Variants in PDGFC observed in about 807,000 individuals in gnomAD.
PDGFC encodes platelet derived growth factor C.
A neutral mutation model predicts 35.5 loss-of-function variants in PDGFC; 12 were observed. That is an observed-to-expected ratio of 0.34 (90% confidence interval 0.22 to 0.55). The LOEUF is 0.55. Ranked by LOEUF, PDGFC falls within the 20% of genes least tolerant of loss-of-function variation. PDGFC has a pLI of 0.91. For synonymous variants in PDGFC, 159 were observed against 148.8 expected (o/e 1.07, Z -0.50); for missense variants, 322 against 412.4 (o/e 0.78, Z 1.90).
chr4:156,837,020 C>T lies in PDGFC; in HGVS notation c.314+13201G>A, dbSNP rs183124383. Among the ~76,000 whole-genome samples, 29 of 152,014 alleles carry T rather than the reference C, an allele frequency of 1.9e-4. No homozygotes were observed. The East Asian group carries it at 4.3e-3, about 22-fold the overall frequency. On this transcript the variant is annotated intron_variant, in intron 2 of 5. Coordinates refer to ENST00000502773, the MANE Select transcript of PDGFC (RefSeq NM_016205.3). ...TGGAACCTGAACAGAATCTAGTACT[C>T]CAAGGGTCAAGAATTAACAAGGTCA...
intron 1 of PDGFC, among the ~76,000 whole-genome samples, chr4:156,866,047 C>T (rs1262595073): frequency 1.3e-5 from 2 of 152,068 alleles, no homozygotes; most frequent in Non-Finnish European, 2.9e-5. Context: ...TGTTGGTGTG[C>T]TGCACCCATT....
chr4:156,892,532 G>T (rs1373152644), intron 1 of PDGFC, among the ~76,000 whole-genome samples: 1 of 151,834 alleles, frequency 6.6e-6, no homozygotes, highest in Non-Finnish European at 1.5e-5. Context: ...ATAACAGAAT[G>T]CTGTCCTAAT....
chr4:156,934,411 G>A (rs1731627604), intron 1 of PDGFC, among the ~76,000 whole-genome samples: 1 of 152,174 alleles, frequency 6.6e-6, no homozygotes, highest in African/African-American at 2.4e-5. Flanking sequence ...TTCCTACCAT[G>A]AACAGAGTTT....
chr4:156,808,088 C>T (rs1359601605), intron 3 of PDGFC, among the ~76,000 whole-genome samples: 1 of 151,932 alleles, frequency 6.6e-6, no homozygotes, highest in Non-Finnish European at 1.5e-5. Flanking sequence ...TATCTGGTGT[C>T]ATTCCTGTGA....
chr4:156,845,326 A>G (rs1047947207), intron 2 of PDGFC, among the ~76,000 whole-genome samples: 1 of 151,834 alleles, frequency 6.6e-6, no homozygotes, highest in Non-Finnish European at 1.5e-5. Flanking sequence ...GAAGTTAGAA[A>G]GTACTTCATA....
At chr4:156,965,776 A>G (rs1732451230) in intron 1 of PDGFC, among the ~76,000 whole-genome samples, 1 of 152,146 alleles carries the variant, frequency 6.6e-6, no homozygotes, top group South Asian at 2.1e-4. Flanking sequence ...CAGGTCCTTC[A>G]AGTCATGGGT....
At chr4:156,847,727 T>C (rs1171741372) in intron 2 of PDGFC, among the ~76,000 whole-genome samples, 2 of 151,798 alleles carry the variant, frequency 1.3e-5, no homozygotes, top group Non-Finnish European at 2.9e-5. Context: ...GTACTATCTT[T>C]ACAACATTTT....
chr4:156,812,398 T>C (rs1281435615), intron 2 of PDGFC, among the ~76,000 whole-genome samples: 1 of 152,106 alleles, frequency 6.6e-6, no homozygotes, highest in Non-Finnish European at 1.5e-5. Flanking sequence ...GCAGACAATA[T>C]ATTTATTTTT....
chr4:156,933,727 T>C (rs770578929), intron 1 of PDGFC, among the ~76,000 whole-genome samples: 1 of 152,252 alleles, frequency 6.6e-6, no homozygotes, highest in East Asian at 1.9e-4. Context: ...GACTGGATCA[T>C]AAGAGCATTT....
intron 3 of PDGFC, among the ~76,000 whole-genome samples, chr4:156,794,632 A>G (rs74797129): frequency 0.016 from 2,482 of 152,174 alleles, 69 homozygotes; most frequent in African/African-American, 0.056. Flanking sequence ...AGATAAAAAT[A>G]TCTATTTATA....
rs537448946 is a variant in PDGFC, at chr4:156,944,454, C to T, written c.118+26332G>A. Among the ~76,000 whole-genome samples, 55 of 152,210 alleles carry T rather than the reference C, an allele frequency of 3.6e-4. 2 individuals are homozygous for T. The South Asian group carries it at 0.011, about 31-fold the overall frequency. On this transcript the variant is annotated intron_variant, in intron 1 of 5. Coordinates refer to ENST00000502773, the MANE Select transcript of PDGFC (RefSeq NM_016205.3). ...CTATTGATCTACTCACATGCACTGA[C>T]TTCTTATCATGATTAAAAATGAAAA...
At chr4:156,948,573 T>C (rs754051382) in intron 1 of PDGFC, among the ~76,000 whole-genome samples, 8 of 152,000 alleles carry the variant, frequency 5.3e-5, no homozygotes, top group Non-Finnish European at 1.0e-4. Context: ...CTGAACCCTC[T>C]GTTTAAATTA....
chr4:156,846,908 A>C (rs1008350005), intron 2 of PDGFC, among the ~76,000 whole-genome samples: 6 of 151,982 alleles, frequency 3.9e-5, no homozygotes, highest in South Asian at 2.1e-4. Flanking sequence ...ATCATACTCA[A>C]TATTGACATG....
intron 3 of PDGFC, among the ~76,000 whole-genome samples, chr4:156,785,844 G>A (rs901024044): frequency 6.6e-6 from 1 of 152,084 alleles, no homozygotes; most frequent in South Asian, 2.1e-4. Context: ...TAAAGTTCTA[G>A]GTCAGTTGAT....
At position 156,893,669 on chromosome 4, in the gene PDGFC, C is replaced by CA. The variant is rs552053780; in HGVS notation, c.119-43254dup. 5.6e-3 allele frequency among the ~76,000 whole-genome samples: 765 copies of CA among 136,314 alleles called. 2 individuals are homozygous for CA. The highest frequency in any genetic ancestry group is 8.6e-3 in the African/African-American group (317 of 36,912). 89.4% of individuals were successfully genotyped at this position (136,314 alleles called of 152,430 possible). A position where few individuals can be genotyped will look rare whatever the true frequency, so the allele number is the denominator to read the frequency against. On this transcript the variant is annotated intron_variant, in intron 1 of 5. Coordinates refer to ENST00000502773, the MANE Select transcript of PDGFC (RefSeq NM_016205.3). ...TATTTTTGAAATCACTCATTACCAT[C>CA]AAAAAAAAAAAAAATCTTGCTTATG... is the stretch of plus-strand genomic sequence containing the variant.
chr4:156,958,735 C>A (rs1396249921), intron 1 of PDGFC, among the ~76,000 whole-genome samples: 1 of 152,034 alleles, frequency 6.6e-6, no homozygotes, highest in African/African-American at 2.4e-5. Context: ...CACCCAACTC[C>A]CCTTTACTGA....
intron 3 of PDGFC, among the ~76,000 whole-genome samples, chr4:156,794,897 G>A (rs1282051279): frequency 2.0e-5 from 3 of 152,076 alleles, no homozygotes; most frequent in South Asian, 2.1e-4. Context: ...TTTAATTTAC[G>A]ATTTTCCAAT....
chr4:156,914,461 A>G (rs1731111305), intron 1 of PDGFC, among the ~76,000 whole-genome samples: 1 of 152,192 alleles, frequency 6.6e-6, no homozygotes, highest in Admixed American at 6.5e-5. Context: ...ATGTAAACTG[A>G]AAAAGGTTCT....
chr4:156,811,075 C>G, intron 2 of PDGFC, 58 bp from the exon 3 acceptor site: 1 of 1,192,194 alleles, frequency 8.4e-7, no homozygotes, highest in South Asian at 1.6e-5. Context: ...CTGGCAATTA[C>G]AAGTTTCATG....
Sources: gnomAD v4.1 joint callset for allele counts (sites outside exome capture counted in the v4.1 genomes callset) on GRCh38, gnomAD v4.1.1 for gene constraint, MANE v1.5 for transcripts, NCBI Gene and HGNC (gene_info 2026-07-23, HGNC 2026-07-21) for gene names.